Variants in BNIPL observed in about 807,000 individuals in gnomAD.
BNIPL encodes the protein BCL2 interacting protein like, also known as bcl-2/adenovirus E1B 19 kDa-interacting protein 2-like protein.
BNIPL carries 33 observed loss-of-function variants against 47.0 expected under a neutral mutation model. The observed-to-expected ratio is 0.70, with a 90% confidence interval of 0.53 to 0.94. The LOEUF (loss-of-function observed/expected upper bound fraction) is 0.94. BNIPL is among the 40% of genes least tolerant of loss of function. BNIPL has a pLI of 0.00. For synonymous variants in BNIPL, 145 were observed against 162.7 expected (o/e 0.89, Z 0.83); for missense variants, 404 against 445.2 (o/e 0.91, Z 0.83).
chr1:151,038,676 C>T, intron 3 of BNIPL, 108 bp downstream of exon 3: 1 of 1,573,962 alleles, frequency 6.4e-7, no homozygotes, highest in Non-Finnish European at 8.6e-7. Context: ...CAAATCTCCC[C>T]TGCGTGAGTC....
chr1:151,039,166 G>A, intron 4 of BNIPL, 140 bp downstream of exon 4: 2 of 1,295,192 alleles, frequency 1.5e-6, no homozygotes, highest in South Asian at 2.7e-5. Context: ...TCCTCAAATG[G>A]AACTTGGGCT....
intron 7 of BNIPL, chr1:151,045,558 CAAAAAAA>C (rs587769189): frequency 4.8e-5 from 12 of 249,968 alleles, no homozygotes; most frequent in Non-Finnish European, 6.2e-5. Flanking sequence ...GACTCCGTCT[CAAAAAAA>C]AAAAAAAAAA....
At position 151,046,779 on chromosome 1, in the gene BNIPL, TCCCC is replaced by T; in HGVS notation, c.*93_*96del. On this transcript the variant is annotated 3_prime_UTR_variant, in exon 10 of 10. Transcript: ENST00000368931. ...CTGAACTGTTTTGTAAATCATCTTA[TCCCC>T]AACCTCAGTACCACCGGATCTTCAC... is the stretch of plus-strand genomic sequence containing the variant. The T allele has an allele frequency of 5.5e-6, 6 of 1,100,872 alleles. No homozygotes were observed. The highest frequency in any genetic ancestry group is 4.4e-5 in the South Asian group (3 of 67,662). 68.2% of individuals were successfully genotyped at this position (1,100,872 alleles called of 1,614,324 possible).
rs150118714 is a variant in BNIPL at position 151,043,711 on chromosome 1, C to T, written c.835C>T (p.Arg279Cys). Reference sequence around the variant, plus strand: ...TCTAAGCTGGATACGTCAGTGTTACCGTACCCTGGATCGGCGGTGAGACCT... The same window carrying T: ...TCTAAGCTGGATACGTCAGTGTTACTGTACCCTGGATCGGCGGTGAGACCT... The part of the protein sequence containing the change: ...PPLSWIRQCY[R>C]TLDRRLRKNL... The change falls in exon 7 of 10, where the codon CGT (arginine) becomes TGT (cysteine). Residue 279 changes from arginine to cysteine, a missense_variant. Transcript: ENST00000368931. 24 of 1,613,708 alleles carry T rather than the reference C, an allele frequency of 1.5e-5. No homozygotes were observed. In the African/African-American group the frequency reaches 1.7e-4, roughly 12 times the overall value.
rs1675709374 is a variant in BNIPL, at chr1:151,038,567, A to C, written c.201A>C (p.Ala67=). Reference sequence around the variant, plus strand: ...AAGACCCTAAAGGAGATTCACAGGCAGGTAGGTCAAGTAGAAACCAGGCCT... The same window carrying C: ...AAGACCCTAAAGGAGATTCACAGGCCGGTAGGTCAAGTAGAAACCAGGCCT... The part of the protein sequence containing the change: ...DPEDPKGDSQ[A]AAGTPSTLAL... The change falls in exon 3 of 10, where the codon GCA becomes GCC. Residue 67 remains alanine (A), a splice_region_variant and synonymous_variant. Transcript: ENST00000368931. The C allele has an allele frequency of 6.2e-7, 1 of 1,613,096 alleles. No individual in the cohort carries two copies.
chr1:151,037,827 C>A (rs1173186216), intron 2 of BNIPL, among the ~76,000 whole-genome samples, 165 bp downstream of exon 2: 1 of 151,180 alleles, frequency 6.6e-6, no homozygotes, highest in Non-Finnish European at 1.5e-5. Flanking sequence ...ACGGTGAAAT[C>A]CCGTCTCTAC....
At chr1:151,043,524 A>G in intron 6 of BNIPL, 72 bp from the exon 7 acceptor site, 1 of 1,554,922 alleles carries the variant, frequency 6.4e-7, no homozygotes, top group Non-Finnish European at 8.9e-7. Context: ...CTGATGGGAG[A>G]GTCTACAGTA....
chr1:151,036,998 T>TA (rs1675626071), intron 1 of BNIPL, among the ~76,000 whole-genome samples: 1 of 152,160 alleles, frequency 6.6e-6, no homozygotes, highest in Admixed American at 6.5e-5. Flanking sequence ...AAAGGAAGTT[T>TA]CTGTAATATG....
chr1:151,036,595 A>G lies in BNIPL; in HGVS notation c.-131A>G. The G allele has an allele frequency of 1.2e-6, 1 of 831,306 alleles. No individual in the cohort carries two copies. The highest frequency in any genetic ancestry group is 2.0e-6 in the Non-Finnish European group (1 of 494,628). The allele number at this position is 831,306 out of a possible 1,614,324, so 51.5% of individuals were successfully genotyped here. A position where few individuals can be genotyped will look rare whatever the true frequency, so the allele number is the denominator to read the frequency against. ...GAAGATGAGGTTACCTCCCTTCCAC[A>G]CCTCCCTCCTTGGAGGCAAGAGCTA... On this transcript the variant is annotated 5_prime_UTR_variant, in exon 1 of 10. Transcript: ENST00000368931.
Position 151,036,663 on chromosome 1 carries a change from G to A in BNIPL, c.-63G>A, listed in dbSNP as rs1571832233. 2 of 1,441,534 alleles carry A rather than the reference G, an allele frequency of 1.4e-6. No individual in the cohort carries two copies. Among genetic ancestry groups the A allele is most frequent in the Middle Eastern group, 3.5e-4 (2 of 5,716 alleles). The allele number at this position is 1,441,534 out of a possible 1,614,324, so 89.3% of individuals were successfully genotyped here. Reference sequence around the variant, plus strand: ...AAGAGGTAAGGAAGTGTTGGGGGCTGGGACAACCAGCTCCCCAACAACTCC... The same window carrying A: ...AAGAGGTAAGGAAGTGTTGGGGGCTAGGACAACCAGCTCCCCAACAACTCC... On this transcript the variant is annotated 5_prime_UTR_variant, in exon 1 of 10. Coordinates refer to ENST00000368931, the MANE Select transcript of BNIPL (RefSeq NM_138278.4).
At position 151,036,735 on chromosome 1, in the gene BNIPL, A is replaced by G; in HGVS notation, c.10A>G (p.Ile4Val). Residue 4 changes from isoleucine to valine, a missense_variant, in exon 1 of 10, where the codon ATA (isoleucine) becomes GTA (valine). By Grantham distance (29) the Ile-to-Val change is conservative (BLOSUM62 3). Coordinates refer to ENST00000368931, the MANE Select transcript of BNIPL (RefSeq NM_138278.4). ...AGGAAGACTTGTGAAGATGGGAACT[A>G]TACAAGAGGCAGGAAAAAAGACAGA... MGTIQEAGKKTDVG... is the reference protein window; with the variant it reads MGTVQEAGKKTDVG... 1 of 1,611,874 alleles carries G rather than the reference A, an allele frequency of 6.2e-7. No individual in the cohort carries two copies. The highest frequency in any genetic ancestry group is 8.5e-7 in the Non-Finnish European group (1 of 1,177,952).
chr1:151,039,725 T>C (rs1489157589), intron 4 of BNIPL, among the ~76,000 whole-genome samples: 2 of 152,196 alleles, frequency 1.3e-5, no homozygotes, highest in Non-Finnish European at 2.9e-5. Context: ...TTTTATCTTA[T>C]AGACAATAGG....
intron 4 of BNIPL, among the ~76,000 whole-genome samples, chr1:151,039,367 G>A (rs1042112708): frequency 6.6e-6 from 1 of 152,194 alleles, no homozygotes; most frequent in East Asian, 1.9e-4. Context: ...TGCAGTTAAA[G>A]GTTATGATCT....
intron 1 of BNIPL, 98 bp downstream of exon 1, chr1:151,036,864 C>G: frequency 8.1e-7 from 1 of 1,240,168 alleles, no homozygotes; most frequent in Non-Finnish European, 1.2e-6. Context: ...ATCTCGGGTT[C>G]CTCAAGGAGA....
chr1:151,038,141 G>A (rs1028259866), intron 2 of BNIPL, among the ~76,000 whole-genome samples: 3 of 151,982 alleles, frequency 2.0e-5, no homozygotes, highest in Non-Finnish European at 2.9e-5. Flanking sequence ...TTGGGAGGCC[G>A]AGGCAGGTGG....
chr1:151,037,433 G>A, intron 1 of BNIPL, 134 bp from the exon 2 acceptor site: 1 of 1,432,058 alleles, frequency 7.0e-7, no homozygotes, highest in South Asian at 1.4e-5. Context: ...AGAAGCATCT[G>A]TATAGGAGGC....
intron 4 of BNIPL, among the ~76,000 whole-genome samples, chr1:151,041,470 G>A (rs778747899): frequency 6.6e-6 from 1 of 152,032 alleles, no homozygotes; most frequent in Non-Finnish European, 1.5e-5. Flanking sequence ...ATGCTGATGT[G>A]TACCCATAGC....
intron 7 of BNIPL, among the ~76,000 whole-genome samples, chr1:151,044,547 A>G (rs1313647238): frequency 6.6e-6 from 1 of 152,094 alleles, no homozygotes; most frequent in Admixed American, 6.6e-5. Context: ...GGCTCAAGCC[A>G]TCCTCCCACC....
intron 4 of BNIPL, among the ~76,000 whole-genome samples, chr1:151,041,369 T>C (rs1428025882): frequency 2.0e-5 from 3 of 152,056 alleles, no homozygotes; most frequent in African/African-American, 7.2e-5. Flanking sequence ...ATCATAGAGA[T>C]AGATGGATCA....
Sources: gnomAD v4.1 joint callset for allele counts (sites outside exome capture counted in the v4.1 genomes callset) on GRCh38, gnomAD v4.1.1 for gene constraint, MANE v1.5 for transcripts, NCBI Gene and HGNC (gene_info 2026-07-23, HGNC 2026-07-21) for gene names.